SUGCT: variants seen among roughly 807,000 people sequenced by gnomAD.
SUGCT encodes the protein succinyl-CoA:glutarate-CoA transferase.
A neutral mutation model predicts 55.0 loss-of-function variants in SUGCT; 41 were observed. The observed-to-expected ratio is 0.74, with a 90% CI of 0.58 to 0.97. The LOEUF (loss-of-function observed/expected upper bound fraction) is 0.97, where lower values mean the gene tolerates loss of function less well. SUGCT is among the 50% of genes least tolerant of loss of function. The pLI is 0.00. For missense variants in SUGCT, 568 were observed against 547.8 expected (o/e 1.04, Z -0.37); for synonymous variants, 187 against 200.4 (o/e 0.93, Z 0.56).
chr7:40,566,594 A>G (rs1796166192), intron 12 of SUGCT, among the ~76,000 whole-genome samples: 1 of 152,246 alleles, frequency 6.6e-6, no homozygotes, highest in South Asian at 2.1e-4. Flanking sequence ...ACCAGAACCA[A>G]GGACTTTCTA....
chr7:40,652,118 T>C lies in SUGCT; in HGVS notation c.1090-97316T>C, dbSNP rs114418720. Among the ~76,000 whole-genome samples, 428 of 152,318 alleles carry C rather than the reference T, an allele frequency of 2.8e-3. 2 individuals are homozygous for C. Among genetic ancestry groups the C allele is most frequent in the African/African-American group, 9.8e-3 (406 of 41,576 alleles). ...TCTTCCCTATTTTCTGGATGCTATT[T>C]CTTATTCCTTTTTGGGCAAATCATT... On this transcript the variant is annotated intron_variant, in intron 12 of 13. Transcript: ENST00000335693.
rs140045517 is a variant in SUGCT, at chr7:40,495,659, T to G, written c.987-625T>G. ...AAAATAAAGAAAATCCATGTGCTTT[T>G]CTGTCTATGAAGTCCAATTTTAAAT... On this transcript the variant is annotated intron_variant, in intron 11 of 13. Transcript: ENST00000335693. Among the ~76,000 whole-genome samples the G allele has an allele frequency of 8.7e-3, 1,324 of 152,304 alleles. 14 individuals carry two copies. The highest frequency in any genetic ancestry group is 0.037 in the Middle Eastern group (11 of 294).
At chr7:40,159,255 T>G (rs1428494602) in intron 1 of SUGCT, among the ~76,000 whole-genome samples, 1 of 151,818 alleles carries the variant, frequency 6.6e-6, no homozygotes, top group African/African-American at 2.4e-5. Context: ...TACACAGATG[T>G]GGCAGAGAGA....
intron 8 of SUGCT, among the ~76,000 whole-genome samples, chr7:40,307,571 G>C (rs1358403577): frequency 6.6e-6 from 1 of 152,114 alleles, no homozygotes; most frequent in Non-Finnish European, 1.5e-5. Flanking sequence ...TCTCTAAAAT[G>C]GGGTCATCAT....
chr7:40,202,753 T>G (rs1337708285), intron 6 of SUGCT, among the ~76,000 whole-genome samples: 3 of 152,152 alleles, frequency 2.0e-5, no homozygotes, highest in African/African-American at 7.2e-5. Context: ...CAGTCCCTGT[T>G]TTTTGTGGTT....
rs1268131444 is a variant in SUGCT at position 40,392,715 on chromosome 7, GA to G, written c.817-56571del. ...TGAATGGGTGAGGAGATGGTTTTAG[GA>G]GAGACAAAACTGGAGGAAGGGAAGC... On this transcript the variant is annotated intron_variant, in intron 9 of 13. Coordinates refer to ENST00000335693, the MANE Select transcript of SUGCT (RefSeq NM_001193313.2). 1.6e-4 allele frequency among the ~76,000 whole-genome samples: 25 copies of G among 152,260 alleles called. No homozygotes were observed. In the East Asian group the frequency reaches 3.3e-3, roughly 20 times the overall value.
intron 12 of SUGCT, among the ~76,000 whole-genome samples, chr7:40,568,031 A>T (rs1796242714): frequency 6.6e-6 from 1 of 152,210 alleles, no homozygotes; most frequent in African/African-American, 2.4e-5. Context: ...GTCTCAATAT[A>T]ACTTGGGTAT....
the SUGCT span, among the ~76,000 whole-genome samples, chr7:40,976,675 T>C: frequency 6.6e-6 from 1 of 152,052 alleles, no homozygotes; most frequent in African/African-American, 2.4e-5. Flanking sequence ...TGGTTGAGAG[T>C]GGAGGATGGA....
chr7:40,951,900 G>A, the SUGCT span, among the ~76,000 whole-genome samples: 1 of 152,130 alleles, frequency 6.6e-6, no homozygotes, highest in Non-Finnish European at 1.5e-5. Context: ...TAATAAGTGC[G>A]ATGTGATGCT....
At chr7:40,976,559 C>A in the SUGCT span, among the ~76,000 whole-genome samples, 1 of 152,232 alleles carries the variant, frequency 6.6e-6, no homozygotes, top group South Asian at 2.1e-4. Context: ...ATCTCATGCA[C>A]ATGGGCCACC....
intron 13 of SUGCT, among the ~76,000 whole-genome samples, chr7:40,755,837 G>T (rs1326053010): frequency 6.6e-6 from 1 of 152,158 alleles, no homozygotes. Flanking sequence ...AAAAGGATTC[G>T]AAATTGAATT....
At chr7:40,811,567 C>T (rs2108376) in intron 13 of SUGCT, among the ~76,000 whole-genome samples, 49,935 of 151,732 alleles carry the variant, frequency 0.33, 8,792 homozygotes, top group East Asian at 0.53. Context: ...TGGCTCTCAG[C>T]TTGAACATTA....
chr7:40,610,664 C>A (rs1042947275), intron 12 of SUGCT, among the ~76,000 whole-genome samples: 20 of 152,164 alleles, frequency 1.3e-4, no homozygotes, highest in African/African-American at 4.3e-4. Flanking sequence ...TTTGTTTTGG[C>A]AAAGCCAAAA....
At chr7:40,289,641 G>C (rs895552356) in intron 8 of SUGCT, among the ~76,000 whole-genome samples, 4 of 152,234 alleles carry the variant, frequency 2.6e-5, no homozygotes, top group African/African-American at 9.6e-5. Context: ...CATAGTGTTG[G>C]AAGTTCTGGC....
chr7:40,268,467 A>G (rs1172021575), intron 7 of SUGCT, among the ~76,000 whole-genome samples: 1 of 152,192 alleles, frequency 6.6e-6, no homozygotes, highest in Admixed American at 6.5e-5. Flanking sequence ...ACCGTATTGT[A>G]TTAGTAGAAT....
the SUGCT span, among the ~76,000 whole-genome samples, chr7:40,930,670 T>C: frequency 6.6e-6 from 1 of 152,192 alleles, no homozygotes; most frequent in Non-Finnish European, 1.5e-5. Context: ...GATATTTTAT[T>C]CTCTTTGAAG....
At chr7:40,863,754 AATTG>A (rs1465159996), downstream of SUGCT, among the ~76,000 whole-genome samples, 1 of 152,086 alleles carries the variant, frequency 6.6e-6, no homozygotes, top group African/African-American at 2.4e-5. Flanking sequence ...GAGCCCTTCT[AATTG>A]ATGGAATTCT....
At chr7:40,346,601 A>T (rs1014179760) in intron 9 of SUGCT, among the ~76,000 whole-genome samples, 1 of 152,214 alleles carries the variant, frequency 6.6e-6, no homozygotes, top group African/African-American at 2.4e-5. Context: ...GGCTGAACTT[A>T]GAACTTTATA....
At chr7:40,270,441 C>T (rs1490606458) in intron 7 of SUGCT, among the ~76,000 whole-genome samples, 1 of 152,092 alleles carries the variant, frequency 6.6e-6, no homozygotes, top group East Asian at 1.9e-4. Flanking sequence ...TTTGTATGTA[C>T]TGCAAGGAGG....
Sources: allele counts gnomAD v4.1 joint callset (sites outside exome capture counted in the v4.1 genomes callset), GRCh38; gene constraint gnomAD v4.1.1; transcripts MANE v1.5; gene names NCBI Gene and HGNC (gene_info 2026-07-23, HGNC 2026-07-21).